Variants in ELAVL2 observed in about 807,000 individuals in gnomAD.
The protein encoded by ELAVL2 is ELAV like RNA binding protein 2, also known as ELAV-like protein 2.
In ELAVL2, 4 loss-of-function variants were observed where a neutral mutation model predicts 34.6. The observed-to-expected ratio is 0.12, with a 90% confidence interval of 0.06 to 0.26. The LOEUF (loss-of-function observed/expected upper bound fraction) is 0.26. Ranked by LOEUF, ELAVL2 falls within the 10% of genes least tolerant of loss-of-function variation. ELAVL2 has a pLI of 1.00. For missense variants in ELAVL2, 432 were observed against 442.8 expected (o/e 0.98, Z 0.22); for synonymous variants, 193 against 154.8 (o/e 1.25, Z -1.83).
chr9:23,740,446 C>G (rs2048896002), intron 2 of ELAVL2, among the ~76,000 whole-genome samples: 1 of 152,160 alleles, frequency 6.6e-6, no homozygotes, highest in African/African-American at 2.4e-5. Flanking sequence ...CTCAGTCTTT[C>G]AAAAGTGTAC....
At chr9:23,804,140 G>T (rs901958088) in intron 1 of ELAVL2, among the ~76,000 whole-genome samples, 1 of 151,786 alleles carries the variant, frequency 6.6e-6, no homozygotes, top group Non-Finnish European at 1.5e-5. Context: ...GATAACCACA[G>T]AACTGTTTAA....
At chr9:23,736,030 A>G (rs1267926838) in intron 2 of ELAVL2, among the ~76,000 whole-genome samples, 1 of 152,202 alleles carries the variant, frequency 6.6e-6, no homozygotes, top group Non-Finnish European at 1.5e-5. Flanking sequence ...TACTTTAATT[A>G]AAATTTTAAT....
At chr9:23,786,027 T>C (rs901492539) in intron 1 of ELAVL2, among the ~76,000 whole-genome samples, 1 of 152,198 alleles carries the variant, frequency 6.6e-6, no homozygotes, top group Non-Finnish European at 1.5e-5. Context: ...CATTCTATTT[T>C]GTACTCTGTC....
At chr9:23,797,783 G>A (rs2061126876) in intron 1 of ELAVL2, among the ~76,000 whole-genome samples, 1 of 152,094 alleles carries the variant, frequency 6.6e-6, no homozygotes, top group Admixed American at 6.5e-5. Flanking sequence ...ACAAAATTAG[G>A]TGGGCGTGGT....
At position 23,730,989 on chromosome 9, in the gene ELAVL2, C is replaced by T. The variant is rs191222853; in HGVS notation, c.333+33G>A. The T allele has an allele frequency of 1.4e-5, 22 of 1,576,206 alleles. No individual in the cohort carries two copies. In the East Asian group the frequency reaches 5.0e-4, roughly 36 times the overall value. On this transcript the variant is annotated intron_variant, in intron 3 of 6. Transcript: ENST00000397312. Reference sequence around the variant, plus strand: ...ATCTTAATTTTTTTAAACTTCTGTTCCGCAAGTAGATATAAAAAAACTTTA... The same window carrying T: ...ATCTTAATTTTTTTAAACTTCTGTTTCGCAAGTAGATATAAAAAAACTTTA...
intron 1 of ELAVL2, among the ~76,000 whole-genome samples, chr9:23,770,265 C>T (rs529062587): frequency 8.5e-5 from 13 of 152,140 alleles, no homozygotes; most frequent in Admixed American, 3.3e-4. Flanking sequence ...GAGATGAAGA[C>T]GGGTAGTTTC....
chr9:23,722,698 T>C (rs766342386), intron 3 of ELAVL2, among the ~76,000 whole-genome samples: 30 of 152,374 alleles, frequency 2.0e-4, no homozygotes, highest in Non-Finnish European at 3.4e-4. Flanking sequence ...ACTACATTTC[T>C]GATGCTTATT....
At chr9:23,740,420 A>C (rs928094909) in intron 2 of ELAVL2, among the ~76,000 whole-genome samples, 1 of 152,190 alleles carries the variant, frequency 6.6e-6, no homozygotes, top group African/African-American at 2.4e-5. Flanking sequence ...TCCACACTAC[A>C]ATCAACCTTT....
At chr9:23,804,483 T>C (rs2061969336) in intron 1 of ELAVL2, among the ~76,000 whole-genome samples, 1 of 152,202 alleles carries the variant, frequency 6.6e-6, no homozygotes, top group African/African-American at 2.4e-5. Context: ...TATTTACAGA[T>C]ACTATATAAT....
chr9:23,725,762 AG>A (rs979643896), intron 3 of ELAVL2, among the ~76,000 whole-genome samples: 4 of 152,322 alleles, frequency 2.6e-5, no homozygotes, highest in African/African-American at 9.6e-5. Flanking sequence ...TTCTCTCTTC[AG>A]GAGAGGTTGC....
intron 3 of ELAVL2, among the ~76,000 whole-genome samples, chr9:23,724,318 G>A (rs563867197): frequency 5.1e-4 from 77 of 152,184 alleles, no homozygotes; most frequent in Non-Finnish European, 4.0e-4. Context: ...TCCAACAACT[G>A]TGGGAAAATC....
chr9:23,693,531 C>T, intron 5 of ELAVL2, 45 bp from the exon 6 acceptor site: 1 of 1,612,790 alleles, frequency 6.2e-7, no homozygotes. Context: ...AATTTTTCCC[C>T]TTGATGTTCA....
chr9:23,800,933 T>C (rs1214942463), intron 1 of ELAVL2, among the ~76,000 whole-genome samples: 2 of 152,150 alleles, frequency 1.3e-5, no homozygotes, highest in Non-Finnish European at 2.9e-5. Flanking sequence ...TTCCTGCTTG[T>C]TGGAAAGCAA....
chr9:23,761,775 C>G (rs973146999), intron 2 of ELAVL2, among the ~76,000 whole-genome samples: 1 of 151,916 alleles, frequency 6.6e-6, no homozygotes, highest in Admixed American at 6.6e-5. Flanking sequence ...AAGATCCTGT[C>G]CAGATCAGAG....
intron 1 of ELAVL2, among the ~76,000 whole-genome samples, chr9:23,789,992 A>G (rs766595027): frequency 7.9e-5 from 12 of 152,142 alleles, no homozygotes; most frequent in Non-Finnish European, 1.5e-4. Context: ...GCCTGAAACC[A>G]AAGTTTTCAA....
intron 1 of ELAVL2, chr9:23,765,058 A>G: frequency 6.2e-7 from 1 of 1,609,588 alleles, no homozygotes; most frequent in Non-Finnish European, 8.5e-7. Flanking sequence ...CAGAGAAGCC[A>G]CATCACACAG....
intron 2 of ELAVL2, among the ~76,000 whole-genome samples, chr9:23,738,376 CAAGTT>C (rs1326088809): frequency 1.3e-5 from 2 of 152,198 alleles, no homozygotes; most frequent in Non-Finnish European, 2.9e-5. Context: ...TTTAAACACT[CAAGTT>C]AAGGTGGGTC....
At chr9:23,780,358 T>TCCC (rs1488269614) in intron 1 of ELAVL2, among the ~76,000 whole-genome samples, 1 of 152,182 alleles carries the variant, frequency 6.6e-6, no homozygotes, top group East Asian at 1.9e-4. Context: ...TGTTTAGGGT[T>TCCC]CCCCCTGGAC....
intron 1 of ELAVL2, among the ~76,000 whole-genome samples, chr9:23,762,997 T>C (rs576414071): frequency 6.6e-6 from 1 of 152,214 alleles, no homozygotes; most frequent in African/African-American, 2.4e-5. Flanking sequence ...ACAAGGTGAC[T>C]GATCTACAAC....
Sources: gnomAD v4.1 joint callset for allele counts (sites outside exome capture counted in the v4.1 genomes callset) on GRCh38, gnomAD v4.1.1 for gene constraint, MANE v1.5 for transcripts, NCBI Gene and HGNC (gene_info 2026-07-23, HGNC 2026-07-21) for gene names.